Variants in BCAS4 observed in about 807,000 individuals in gnomAD.
The protein encoded by BCAS4 is breast carcinoma amplified sequence 4.
Under a neutral mutation model 15.7 loss-of-function variants are expected in BCAS4, and 9 were observed. That is an observed-to-expected ratio of 0.57 (90% confidence interval 0.34 to 1.00). The LOEUF is 1.00. Ranked by LOEUF, BCAS4 falls within the 50% of genes least tolerant of loss-of-function variation. BCAS4 has a pLI of 0.02. For missense variants in BCAS4, 225 were observed against 239.1 expected (o/e 0.94, Z 0.39); for synonymous variants, 101 against 99.5 (o/e 1.02, Z -0.09).
downstream of BCAS4, chr20:50,878,491 C>G (rs1980045680): frequency 6.6e-6 from 1 of 151,190 alleles, no homozygotes; most frequent in Non-Finnish European, 1.5e-5. Context: ...ATTGAGGTGA[C>G]TTTTACAATT....
chr20:50,857,711 C>T (rs766104118), intron 4 of BCAS4, among the ~76,000 whole-genome samples: 2 of 152,184 alleles, frequency 1.3e-5, no homozygotes, highest in Non-Finnish European at 1.5e-5. Flanking sequence ...GTGACCCCCA[C>T]CTCCACTTCC....
At chr20:50,833,310 G>A (rs1211757686) in intron 3 of BCAS4, among the ~76,000 whole-genome samples, 1 of 152,206 alleles carries the variant, frequency 6.6e-6, no homozygotes, top group East Asian at 1.9e-4. Context: ...CCAAGGTCAG[G>A]ACTTTGGCCT....
At chr20:50,845,446 C>T (rs1042587504) in intron 4 of BCAS4, among the ~76,000 whole-genome samples, 3 of 152,182 alleles carry the variant, frequency 2.0e-5, no homozygotes, top group African/African-American at 7.2e-5. Context: ...GAAGGGCCAT[C>T]ACCCTCAGAG....
rs58684022 is a variant in BCAS4, at chr20:50,858,725, A to ATTTT, written c.399+16841_399+16844dup. Among the ~76,000 whole-genome samples the ATTTT allele has an allele frequency of 1.6e-3, 187 of 117,612 alleles. 4 individuals carry two copies. The highest frequency in any genetic ancestry group is 2.1e-3 in the South Asian group (8 of 3,724). 77.2% of individuals were successfully genotyped at this position (117,612 alleles called of 152,430 possible). A position where few individuals can be genotyped will look rare whatever the true frequency, so the allele number is the denominator to read the frequency against. On this transcript the variant is annotated intron_variant, in intron 4 of 4. Transcript: ENST00000371608. The stretch of plus-strand genomic sequence containing the variant: ...AACCATCCTTTTTTTTTTTTCTTGA[A>ATTTT]TTTTTTTTTTTTTTTTTTTGGTGAG...
chr20:50,829,730 A>G (rs2088320714), intron 2 of BCAS4, among the ~76,000 whole-genome samples: 1 of 151,982 alleles, frequency 6.6e-6, no homozygotes, highest in Non-Finnish European at 1.5e-5. Flanking sequence ...ATGTGGCTTC[A>G]TACAGTTCAC....
chr20:50,844,152 A>T (rs2088515553), intron 4 of BCAS4, among the ~76,000 whole-genome samples: 2 of 152,020 alleles, frequency 1.3e-5, no homozygotes, highest in South Asian at 4.2e-4. Flanking sequence ...TGTCTCACAA[A>T]AAAAAGCACA....
intron 1 of BCAS4, among the ~76,000 whole-genome samples, chr20:50,807,165 C>T (rs528745315): frequency 6.6e-6 from 1 of 151,318 alleles, no homozygotes; most frequent in Non-Finnish European, 1.5e-5. Context: ...AGCCACCACA[C>T]CCAGCCCAAT....
At chr20:50,872,745 C>G (rs979316740) in intron 4 of BCAS4, among the ~76,000 whole-genome samples, 2 of 152,224 alleles carry the variant, frequency 1.3e-5, no homozygotes, top group African/African-American at 4.8e-5. Context: ...CCCTGCCTGG[C>G]TGACTTCAGC....
At chr20:50,801,833 A>G (rs1440726389) in intron 1 of BCAS4, among the ~76,000 whole-genome samples, 2 of 152,102 alleles carry the variant, frequency 1.3e-5, no homozygotes, top group African/African-American at 4.8e-5. Flanking sequence ...ACTGAGGGGA[A>G]GGAGGATGGG....
In BCAS4 at chr20:50,795,174, G is replaced by T. The variant is rs1284958129; in HGVS notation, c.90+1G>T. 1 of 1,447,260 alleles carries T rather than the reference G, an allele frequency of 6.9e-7. No individual in the cohort carries two copies. 89.7% of individuals were successfully genotyped at this position (1,447,260 alleles called of 1,614,324 possible). On this transcript the variant is annotated splice_donor_variant, in intron 1 of 4. Coordinates refer to ENST00000371608, the MANE Select transcript of BCAS4 (RefSeq NM_198799.4). LOFTEE classifies it high-confidence loss of function. ...CCTGACCCCCGAGCCTGGGGCCGAG[G>T]TAGGGGACGGGGCTGTGGAGTTGGA... is the stretch of plus-strand genomic sequence containing the variant.
At chr20:50,810,206 G>C (rs2088042891) in intron 1 of BCAS4, among the ~76,000 whole-genome samples, 1 of 151,556 alleles carries the variant, frequency 6.6e-6, no homozygotes, top group South Asian at 2.1e-4. Flanking sequence ...TCCTTATGTG[G>C]CTTCTGGCTT....
At chr20:50,818,439 C>CCTCT (rs3830778) in intron 2 of BCAS4, among the ~76,000 whole-genome samples, 157 bp downstream of exon 2, 9 of 151,106 alleles carry the variant, frequency 6.0e-5, no homozygotes, top group South Asian at 4.2e-4. Flanking sequence ...AACACTCCCT[C>CCTCT]CTCTCTCTCT....
At chr20:50,861,231 T>C (rs1478608754) in intron 4 of BCAS4, among the ~76,000 whole-genome samples, 1 of 151,952 alleles carries the variant, frequency 6.6e-6, no homozygotes, top group Non-Finnish European at 1.5e-5. Context: ...GGGCCAAGAG[T>C]TCAGCAGCGA....
intron 1 of BCAS4, among the ~76,000 whole-genome samples, chr20:50,817,730 A>G (rs1387411454): frequency 6.6e-6 from 1 of 151,660 alleles, no homozygotes; most frequent in Non-Finnish European, 1.5e-5. Flanking sequence ...TTTTTTTGGT[A>G]TGGTTTGTAT....
chr20:50,803,105 C>T (rs561730026), intron 1 of BCAS4, among the ~76,000 whole-genome samples: 4 of 152,288 alleles, frequency 2.6e-5, no homozygotes, highest in South Asian at 2.1e-4. Context: ...CGCTCGAACC[C>T]GGAATGTGGA....
rs142115243 is a variant in BCAS4, at chr20:50,806,647, C to T, written c.90+11474C>T. 7.9e-3 allele frequency among the ~76,000 whole-genome samples: 1,208 copies of T among 152,254 alleles called. 14 individuals carry two copies. The highest frequency in any genetic ancestry group is 0.028 in the African/African-American group (1,168 of 41,530). ...CTCTCAACCTCTAGAGCCTCGCTCA[C>T]TGGCCTCTACAGAAGAGTTGCCTGG... On this transcript the variant is annotated intron_variant, in intron 1 of 4. Transcript: ENST00000371608.
chr20:50,854,106 A>G (rs1206989455), intron 4 of BCAS4, among the ~76,000 whole-genome samples: 1 of 152,174 alleles, frequency 6.6e-6, no homozygotes, highest in East Asian at 1.9e-4. Context: ...TCCTATAAAT[A>G]TGAAAAAGTT....
rs539700033 is a variant in BCAS4 at position 50,827,983 on chromosome 20, C to G, written c.163-2296C>G. Among the ~76,000 whole-genome samples, 13 of 152,252 alleles carry G rather than the reference C, an allele frequency of 8.5e-5. No homozygotes were observed. In the East Asian group the frequency reaches 2.5e-3, roughly 29 times the overall value. On this transcript the variant is annotated intron_variant, in intron 2 of 4. Transcript: ENST00000371608. Reference sequence around the variant, plus strand: ...CCTCAGGTGATCTGCCCACCTTGGCCTCCCGAACTGCTGGGATTACAGGTG... The same window carrying G: ...CCTCAGGTGATCTGCCCACCTTGGCGTCCCGAACTGCTGGGATTACAGGTG...
At chr20:50,855,780 G>C (rs985799110) in intron 4 of BCAS4, among the ~76,000 whole-genome samples, 1 of 152,212 alleles carries the variant, frequency 6.6e-6, no homozygotes, top group Non-Finnish European at 1.5e-5. Flanking sequence ...AGCAACACTT[G>C]GTACGTGGGA....
Sources: gnomAD v4.1 joint callset for allele counts (sites outside exome capture counted in the v4.1 genomes callset) on GRCh38, gnomAD v4.1.1 for gene constraint, MANE v1.5 for transcripts, NCBI Gene and HGNC (gene_info 2026-07-23, HGNC 2026-07-21) for gene names.